Variants in MYBPC3 observed in about 807,000 individuals in gnomAD.
MYBPC3 encodes myosin binding protein C3.
In MYBPC3, 108 loss-of-function variants were observed where a neutral mutation model predicts 159.3. That is an observed-to-expected ratio of 0.68 (90% CI 0.58 to 0.80). The LOEUF is 0.80. MYBPC3 is among the 30% of genes least tolerant of loss of function. The probability of loss-of-function intolerance (pLI) is 0.00; values close to 1 mark genes in which losing one functional copy is unlikely to be tolerated. For missense variants in MYBPC3, 1,631 were observed against 1,762.1 expected, an observed-to-expected ratio of 0.93 and a Z score of 1.33; for synonymous variants, 730 against 702.0, an observed-to-expected ratio of 1.04 and a Z score of -0.63.
At chr11:47,336,697 C>G (rs945173984) in intron 25 of MYBPC3, among the ~76,000 whole-genome samples, 1 of 152,154 alleles carries the variant, frequency 6.6e-6, no homozygotes, top group Non-Finnish European at 1.5e-5. Context: ...GGGTCCTTGG[C>G]CTGCCCTTGC....
intron 17 of MYBPC3, 25 bp from the exon 18 acceptor site, chr11:47,342,181 A>G: frequency 1.2e-6 from 2 of 1,610,008 alleles, no homozygotes; most frequent in Non-Finnish European, 1.7e-6. Context: ...AGAGCCATTG[A>G]GCTCGGGAGG....
chr11:47,331,764 C>T, intron 34 of MYBPC3, 48 bp from the exon 35 acceptor site: 3 of 1,408,918 alleles, frequency 2.1e-6, no homozygotes, highest in Non-Finnish European at 2.9e-6. Flanking sequence ...CCTACAGCCT[C>T]CCATTTACTG....
chr11:47,332,116 TTGG>T lies in MYBPC3; in HGVS notation c.3767_3769del (p.Thr1256del), dbSNP rs397516040. On this transcript the variant is annotated inframe_deletion, in exon 33 of 35. Transcript: ENST00000545968. This position sits in a 1 kb window ranked among gnomAD's most constrained non-coding sequence, Gnocchi z 4.2. ...CTCACACCGTGCCTCGCCCTGTAAG[TTGG>T]TGGCCCTGCAGACATAGATGCCCCC... The T allele has an allele frequency of 6.2e-7, 1 of 1,613,512 alleles. No individual in the cohort carries two copies. The highest frequency in any genetic ancestry group is 8.5e-7 in the Non-Finnish European group (1 of 1,179,798).
chr11:47,334,056 T>G, intron 27 of MYBPC3, 46 bp from the exon 28 acceptor site: 3 of 1,524,180 alleles, frequency 2.0e-6, no homozygotes, highest in Admixed American at 2.0e-5. Context: ...GCCACAGCTC[T>G]GAGGGGCTCC....
Position 47,346,885 on chromosome 11 carries a change from A to G in MYBPC3, c.908+142T>C. On this transcript the variant is annotated intron_variant, in intron 10 of 34. Coordinates refer to ENST00000545968, the MANE Select transcript of MYBPC3 (RefSeq NM_000256.3). This position sits in a 1 kb window ranked among gnomAD's most constrained non-coding sequence, Gnocchi z 5.3. Reference sequence around the variant, plus strand: ...ATAGGTGGGTGGCAGGAGAAGCCCAAGGCACAGAGACTCACCCCTGTCCGT... The same window carrying G: ...ATAGGTGGGTGGCAGGAGAAGCCCAGGGCACAGAGACTCACCCCTGTCCGT... The G allele has an allele frequency of 2.8e-6, 2 of 716,332 alleles. No individual in the cohort carries two copies. Among genetic ancestry groups the G allele is most frequent in the South Asian group, 2.9e-5 (2 of 68,196 alleles). 44.4% of individuals were successfully genotyped at this position (716,332 alleles called of 1,614,324 possible). A position where few individuals can be genotyped will look rare whatever the true frequency, so the allele number is the denominator to read the frequency against.
At position 47,333,297 on chromosome 11, in the gene MYBPC3, T is replaced by C. The variant is rs730880140; in HGVS notation, c.3227A>G (p.Asp1076Gly). 1.3e-6 allele frequency: 2 copies of C among 1,590,160 alleles called. No individual in the cohort carries two copies. Among genetic ancestry groups the C allele is most frequent in the Non-Finnish European group, 1.7e-6 (2 of 1,167,818 alleles). The change falls in exon 30 of 35, where the codon GAC becomes GGC. Residue 1076 changes from aspartate to glycine, a missense_variant. Physicochemically the swap from Asp to Gly is moderately conservative, Grantham distance 94. Coordinates refer to ENST00000545968, the MANE Select transcript of MYBPC3 (RefSeq NM_000256.3). The part of the protein sequence containing the change: ...PSPPQDLRVT[D>G]AWGLNVALEW... ...CAGAGCCACATTAAGACCCCAGGCG[T>C]CAGTCACCCGGAGATCCTGGGGAGG...
Position 47,338,684 on chromosome 11 carries a change from G to T in MYBPC3, c.2149-5C>A, listed in dbSNP as rs36211722. 1.2e-6 allele frequency: 2 copies of T among 1,607,442 alleles called. No individual in the cohort carries two copies. The highest frequency in any genetic ancestry group is 8.5e-7 in the Non-Finnish European group (1 of 1,176,704). ...GCCCTCGGTCTCACACAGCAGCTGG[G>T]GGGGTGCAGAGTTGGGGTGAGATCC... On this transcript the variant is annotated splice_region_variant and splice_polypyrimidine_tract_variant and intron_variant, in intron 22 of 34. Coordinates refer to ENST00000545968, the MANE Select transcript of MYBPC3 (RefSeq NM_000256.3). This position sits in a 1 kb window ranked among gnomAD's most constrained non-coding sequence, Gnocchi z 4.7.
At chr11:47,336,513 AC>A in intron 25 of MYBPC3, 3 of 151,492 alleles carry the variant, frequency 2.0e-5, no homozygotes, top group African/African-American at 4.9e-5. Context: ...AAAAAAAAAA[AC>A]TAAAACTAAA....
At chr11:47,344,537 A>T (rs960326824) in intron 12 of MYBPC3, among the ~76,000 whole-genome samples, 1 of 151,998 alleles carries the variant, frequency 6.6e-6, no homozygotes, top group Admixed American at 6.5e-5. Flanking sequence ...GAGCCCAGGG[A>T]GGAAGTGGGG....
chr11:47,349,715 G>A (rs2095898283), intron 5 of MYBPC3, 59 bp downstream of exon 5: 7 of 1,563,434 alleles, frequency 4.5e-6, no homozygotes, highest in Non-Finnish European at 6.0e-6. Context: ...TGTGCCTTGT[G>A]CCTTCTAGGG....
rs775261421 is a variant in MYBPC3, at chr11:47,332,750, C to T, written c.3491-48G>A. The T allele has an allele frequency of 1.3e-6, 2 of 1,585,296 alleles. No individual in the cohort carries two copies. Among genetic ancestry groups the T allele is most frequent in the Non-Finnish European group, 1.7e-6 (2 of 1,164,954 alleles). ...CCGAGAGGGCCACACAAAGCTAGGCCCCTCTCCCTGTTCCCACAGCCTCCC... is the reference window on the plus strand; with the variant it reads ...CCGAGAGGGCCACACAAAGCTAGGCTCCTCTCCCTGTTCCCACAGCCTCCC... On this transcript the variant is annotated intron_variant, in intron 31 of 34. Coordinates refer to ENST00000545968, the MANE Select transcript of MYBPC3 (RefSeq NM_000256.3). This position sits in a 1 kb window ranked among gnomAD's most constrained non-coding sequence, Gnocchi z 4.2.
rs762104550 is a variant in MYBPC3 at position 47,349,673 on chromosome 11, G to A, written c.654+101C>T. On this transcript the variant is annotated intron_variant, in intron 5 of 34. Transcript: ENST00000545968. Reference sequence around the variant, plus strand: ...TCCCCACACCCCTTGCTTGCAGCTCGTGTGTGCCTCTGGGTCTCATGGTGC... The same window carrying A: ...TCCCCACACCCCTTGCTTGCAGCTCATGTGTGCCTCTGGGTCTCATGGTGC... 6.3e-4 allele frequency: 909 copies of A among 1,444,718 alleles called. 2 individuals are homozygous for A. The highest frequency in any genetic ancestry group is 7.1e-4 in the Non-Finnish European group (768 of 1,087,492). 89.5% of individuals were successfully genotyped at this position (1,444,718 alleles called of 1,614,324 possible).
chr11:47,346,314 G>A lies in MYBPC3; in HGVS notation c.983C>T (p.Ala328Val), dbSNP rs2095894054. Residue 328 changes from alanine to valine, a missense_variant, in exon 12 of 35, where the codon GCA (alanine) becomes GTA (valine). Physicochemically the swap from Ala to Val is moderately conservative, Grantham distance 64. Transcript: ENST00000545968. The surrounding 1 kb of genome is among the most constrained non-coding windows in gnomAD (Gnocchi z 5.3). Reference protein sequence around the residue: ...EEDVWEILRQAPPSEYERIAF... With the variant: ...EEDVWEILRQVPPSEYERIAF... Reference sequence around the variant, plus strand: ...GATGCGCTCGTACTCAGATGGGGGTGCCTGCCGTAGGATCTCCCACACGTC... The same window carrying A: ...GATGCGCTCGTACTCAGATGGGGGTACCTGCCGTAGGATCTCCCACACGTC... 6.2e-7 allele frequency: 1 copy of A among 1,611,756 alleles called. No individual in the cohort carries two copies. The highest frequency in any genetic ancestry group is 8.5e-7 in the Non-Finnish European group (1 of 1,179,054).
At chr11:47,349,956 G>A (rs1595849805) in intron 4 of MYBPC3, 34 bp from the exon 5 acceptor site, 1 of 1,572,670 alleles carries the variant, frequency 6.4e-7, no homozygotes, top group East Asian at 2.4e-5. Flanking sequence ...CCGGCTTGGG[G>A]AGTGTCCTGC....
Position 47,333,878 on chromosome 11 carries a change from A to G in MYBPC3, c.2994+44T>C, listed in dbSNP as rs759631851. On this transcript the variant is annotated intron_variant, in intron 28 of 34. Transcript: ENST00000545968. Reference sequence around the variant, plus strand: ...GTCCACTGGATGGGAACAACACACTATAGCCTCTCTCCCCTGGGGGACAGG... The same window carrying G: ...GTCCACTGGATGGGAACAACACACTGTAGCCTCTCTCCCCTGGGGGACAGG... 1.9e-6 allele frequency: 3 copies of G among 1,554,620 alleles called. No individual in the cohort carries two copies. The South Asian group carries it at 3.5e-5, about 18-fold the overall frequency.
In MYBPC3 at chr11:47,341,255, G is replaced by T. The variant is rs12575827; in HGVS notation, c.1791-11C>A. The T allele has an allele frequency of 6.4e-6, 10 of 1,565,486 alleles. No homozygotes were observed. Among genetic ancestry groups the T allele is most frequent in the Non-Finnish European group, 8.7e-6 (10 of 1,154,196 alleles). On this transcript the variant is annotated splice_polypyrimidine_tract_variant and intron_variant, in intron 18 of 34. Coordinates refer to ENST00000545968, the MANE Select transcript of MYBPC3 (RefSeq NM_000256.3). ...GTCAGTTTGTGGACCCTGCAGGGGA[G>T]CAGTGGCTCAGGGGACCCCACTGGG...
At position 47,349,523 on chromosome 11, in the gene MYBPC3, G is replaced by T. The variant is rs144892967; in HGVS notation, c.654+251C>A. 3.4e-3 allele frequency among the ~76,000 whole-genome samples: 510 copies of T among 151,474 alleles called. 1 individual carries two copies. The highest frequency in any genetic ancestry group is 0.012 in the African/African-American group (476 of 41,240). On this transcript the variant is annotated intron_variant, in intron 5 of 34. Transcript: ENST00000545968. ...AAACCTTATTAGGTGCCCCCTTGAG[G>T]TGATCATGTCCACCAAGTCTCCCAG...
Position 47,343,053 on chromosome 11 carries a change from C to T in MYBPC3, c.1319G>A (p.Gly440Asp), listed in dbSNP as rs142317339. ...DDAAYQCVVG[G>D]EKCSTELFVK... is the part of the protein sequence containing the mutation. ...AAAGAGCTCCGTGCTACACTTCTCG[C>T]CACCCACCACGCACTGGTAGGCTGC... Residue 440 changes from glycine to aspartate, a missense_variant, in exon 15 of 35, where the codon GGC becomes GAC. Gly to Asp is a moderately conservative substitution (Grantham distance 94). Transcript: ENST00000545968. 1.9e-6 allele frequency: 3 copies of T among 1,613,080 alleles called. No individual in the cohort carries two copies. In the African/African-American group the frequency reaches 4.0e-5, roughly 21 times the overall value.
chr11:47,337,743 G>A lies in MYBPC3; in HGVS notation c.2360C>T (p.Ser787Phe). ...AGGCGGCTCCCACTGTACTGTGCAG[G>A]AGTCCTCTCCCACGTTGCTGATCTT... Reference protein sequence around the residue: ...APKISNVGEDSCTVQWEPPAY... With the variant: ...APKISNVGEDFCTVQWEPPAY... The change falls in exon 24 of 35, where the codon TCC (serine) becomes TTC (phenylalanine). Residue 787 changes from serine to phenylalanine, a missense_variant. Transcript: ENST00000545968. The A allele has an allele frequency of 6.4e-7, 1 of 1,559,588 alleles. No individual in the cohort carries two copies. The highest frequency in any genetic ancestry group is 8.7e-7 in the Non-Finnish European group (1 of 1,151,738).
Sources: allele counts gnomAD v4.1 joint callset (sites outside exome capture counted in the v4.1 genomes callset), GRCh38; gene constraint gnomAD v4.1.1; non-coding constraint Gnocchi (gnomAD v3.1); transcripts MANE v1.5; gene names NCBI Gene and HGNC (gene_info 2026-07-23, HGNC 2026-07-21).